MEIS2: variants seen among roughly 807,000 people sequenced by gnomAD.
The protein encoded by MEIS2 is homeobox protein Meis2.
A neutral mutation model predicts 58.6 loss-of-function variants in MEIS2; 9 were observed. The ratio of observed to expected loss-of-function variants is 0.15; its 90% CI spans 0.09 to 0.27. MEIS2 has a LOEUF of 0.27. Among genes scored for constraint, MEIS2 ranks in the 10% least tolerant of loss-of-function variants. MEIS2 has a pLI of 1.00. For synonymous variants in MEIS2, 221 were observed against 228.4 expected, an observed-to-expected ratio of 0.97 and a Z score of 0.29; for missense variants, 427 against 635.0, an observed-to-expected ratio of 0.67 and a Z score of 3.52.
intron 7 of MEIS2, among the ~76,000 whole-genome samples, chr15:37,045,339 A>G (rs2062617909): frequency 6.6e-6 from 1 of 152,164 alleles, no homozygotes; most frequent in Middle Eastern, 3.2e-3. Flanking sequence ...TTCCTCTTAA[A>G]TATAGTACTT....
At chr15:36,942,479 T>C (rs1229649340) in intron 9 of MEIS2, among the ~76,000 whole-genome samples, 2 of 152,132 alleles carry the variant, frequency 1.3e-5, no homozygotes, top group African/African-American at 2.4e-5. Context: ...GCTCACTCTC[T>C]TATACTTGAA....
chr15:36,901,816 T>C (rs1246293307), intron 9 of MEIS2, among the ~76,000 whole-genome samples: 1 of 152,206 alleles, frequency 6.6e-6, no homozygotes, highest in Non-Finnish European at 1.5e-5. Context: ...GGCCTTCTAC[T>C]GTCTTCTTTC....
At chr15:36,956,727 A>G (rs1178617805) in intron 8 of MEIS2, among the ~76,000 whole-genome samples, 1 of 152,120 alleles carries the variant, frequency 6.6e-6, no homozygotes, top group Non-Finnish European at 1.5e-5. Context: ...TATTCCTAAC[A>G]TCGTTTCTAC....
intron 7 of MEIS2, among the ~76,000 whole-genome samples, chr15:37,076,270 A>G (rs1267131142): frequency 6.6e-6 from 1 of 152,064 alleles, no homozygotes; most frequent in Admixed American, 6.6e-5. Flanking sequence ...AAGGGGAAAA[A>G]ATAACATGGC....
At chr15:37,049,905 A>ATTTTTCTG (rs2062843291) in intron 7 of MEIS2, among the ~76,000 whole-genome samples, 4 of 152,082 alleles carry the variant, frequency 2.6e-5, no homozygotes, top group African/African-American at 9.7e-5. Context: ...AATTGCTTCA[A>ATTTTTCTG]ACAATGTGAT....
intron 2 of MEIS2, 118 bp from the exon 3 acceptor site, chr15:37,096,548 C>G (rs949263038): frequency 8.0e-6 from 10 of 1,253,818 alleles, no homozygotes; most frequent in Non-Finnish European, 1.1e-5. Context: ...ACAACAGGCA[C>G]GCACCACACT....
intron 8 of MEIS2, among the ~76,000 whole-genome samples, chr15:36,982,665 C>A (rs558552556): frequency 6.6e-6 from 1 of 152,256 alleles, no homozygotes; most frequent in East Asian, 1.9e-4. Context: ...TGGATATATT[C>A]CCAGAAATGA....
chr15:37,027,051 A>G (rs374266644), intron 8 of MEIS2, among the ~76,000 whole-genome samples: 120 of 152,324 alleles, frequency 7.9e-4, no homozygotes, highest in African/African-American at 2.8e-3. Flanking sequence ...TGCATACTGT[A>G]AACAACTGCT....
intron 8 of MEIS2, among the ~76,000 whole-genome samples, chr15:36,964,020 T>G (rs934359455): frequency 6.6e-6 from 1 of 152,248 alleles, no homozygotes; most frequent in Non-Finnish European, 1.5e-5. Context: ...ACATAGACTG[T>G]GCTTTACTGA....
chr15:36,942,784 G>T (rs950086785), intron 9 of MEIS2, among the ~76,000 whole-genome samples: 3 of 151,976 alleles, frequency 2.0e-5, no homozygotes, highest in African/African-American at 7.2e-5. Context: ...TACTGGTAAA[G>T]GCACCACCAT....
intron 8 of MEIS2, among the ~76,000 whole-genome samples, chr15:36,960,443 C>G (rs1016649226): frequency 6.6e-6 from 1 of 152,002 alleles, no homozygotes; most frequent in African/African-American, 2.4e-5. Flanking sequence ...GGAGAACCTT[C>G]GTAGTGACTG....
At chr15:37,072,628 CT>C (rs1287068366) in intron 7 of MEIS2, among the ~76,000 whole-genome samples, 2 of 152,140 alleles carry the variant, frequency 1.3e-5, no homozygotes, top group Admixed American at 6.5e-5. Flanking sequence ...ACCTTCCCTA[CT>C]TTTTCCATTT....
intron 7 of MEIS2, among the ~76,000 whole-genome samples, chr15:37,056,605 G>A (rs984077006): frequency 6.6e-6 from 1 of 152,162 alleles, no homozygotes; most frequent in Non-Finnish European, 1.5e-5. Flanking sequence ...GGAACAAAGC[G>A]AGCAGAACTG....
rs1567094842 is a variant in MEIS2, at chr15:36,950,345, G to T, written c.956C>A (p.Thr319Lys). 2 of 1,612,168 alleles carry T rather than the reference G, an allele frequency of 1.2e-6. No homozygotes were observed. The highest frequency in any genetic ancestry group is 1.7e-5 in the Admixed American group (1 of 59,938). The change falls in exon 9 of 12, where the codon ACA (threonine) becomes AAA (lysine). Residue 319 changes from threonine (T) to lysine (K), a missense_variant. By Grantham distance (78) the Thr-to-Lys change is moderately conservative (BLOSUM62 -1). Transcript: ENST00000561208. ...TCACCAGTTGTTTACTTGGAGAATTGTAAGTCCTGTGTCTTGCGCTAACTG... is the reference window on the plus strand; with the variant it reads ...TCACCAGTTGTTTACTTGGAGAATTTTAAGTCCTGTGTCTTGCGCTAACTG... ...KKQLAQDTGL[T>K]ILQVNNWFIN...
At chr15:36,977,033 G>C (rs912899212) in intron 8 of MEIS2, among the ~76,000 whole-genome samples, 1 of 152,168 alleles carries the variant, frequency 6.6e-6, no homozygotes, top group African/African-American at 2.4e-5. Context: ...GGCTGAGGCA[G>C]GAGAATCGTT....
At chr15:36,905,191 C>T (rs769581500) in intron 9 of MEIS2, among the ~76,000 whole-genome samples, 5 of 151,168 alleles carry the variant, frequency 3.3e-5, no homozygotes, top group African/African-American at 7.3e-5. Context: ...TACACACATA[C>T]ATACAGACAG....
chr15:37,034,648 T>A (rs1432152234), intron 8 of MEIS2, among the ~76,000 whole-genome samples: 3 of 152,202 alleles, frequency 2.0e-5, no homozygotes, highest in African/African-American at 7.2e-5. Flanking sequence ...GACACTCCCA[T>A]GTGAGATTCA....
intron 9 of MEIS2, among the ~76,000 whole-genome samples, chr15:36,918,085 A>G (rs1228270053): frequency 6.6e-6 from 1 of 152,236 alleles, no homozygotes; most frequent in Non-Finnish European, 1.5e-5. Context: ...CTTATCAGGA[A>G]GTAAATAGAG....
At chr15:36,979,912 A>T (rs1482420564) in intron 8 of MEIS2, among the ~76,000 whole-genome samples, 1 of 148,538 alleles carries the variant, frequency 6.7e-6, no homozygotes, top group African/African-American at 2.5e-5. Context: ...ACTCTAAAGG[A>T]TTATATAAAA....
Sources: allele counts gnomAD v4.1 joint callset (sites outside exome capture counted in the v4.1 genomes callset), GRCh38; gene constraint gnomAD v4.1.1; transcripts MANE v1.5; gene names NCBI Gene and HGNC (gene_info 2026-07-23, HGNC 2026-07-21).